Variants in PLCB4 observed in about 807,000 individuals in gnomAD.
The protein encoded by PLCB4 is phospholipase C beta 4, also known as 1-phosphatidylinositol 4,5-bisphosphate phosphodiesterase beta-4.
Under a neutral mutation model 178.8 loss-of-function variants are expected in PLCB4, and 77 were observed. The ratio of observed to expected loss-of-function variants is 0.43; its 90% CI spans 0.36 to 0.52. The LOEUF is 0.52. Ranked by LOEUF, PLCB4 falls within the 20% of genes least tolerant of loss-of-function variation. The probability of loss-of-function intolerance (pLI) is 0.00; values close to 1 mark genes in which losing one functional copy is unlikely to be tolerated. For missense variants in PLCB4, 1,024 were observed against 1,453.4 expected, an observed-to-expected ratio of 0.70 and a Z score of 4.80; for synonymous variants, 496 against 490.8, an observed-to-expected ratio of 1.01 and a Z score of -0.14.
intron 3 of PLCB4, among the ~76,000 whole-genome samples, chr20:9,226,519 C>T (rs992100971): frequency 1.3e-5 from 2 of 150,880 alleles, no homozygotes; most frequent in Admixed American, 6.6e-5. Context: ...CCTGGGTTGT[C>T]CCATCTGTAA....
chr20:9,089,994 T>G (rs961928923), intron 1 of PLCB4, among the ~76,000 whole-genome samples: 11 of 152,196 alleles, frequency 7.2e-5, no homozygotes, highest in African/African-American at 2.7e-4. Context: ...CCTAATTTAC[T>G]AGAAAGCTTG....
At chr20:9,231,576 G>GGATA (rs1337372452) in intron 3 of PLCB4, among the ~76,000 whole-genome samples, 3 of 152,046 alleles carry the variant, frequency 2.0e-5, no homozygotes, top group Non-Finnish European at 4.4e-5. Context: ...CCTCGTTGTG[G>GGATA]GATAGTGCAC....
rs369696044 is a variant in PLCB4 at position 9,443,271 on chromosome 20, T to G, written c.2765-710T>G. On this transcript the variant is annotated intron_variant, in intron 30 of 39. Coordinates refer to ENST00000378473, the MANE Select transcript of PLCB4 (RefSeq NM_001377142.1). ...AAAGGGAGAAGCCAGAAAAAAATGT[T>G]TTATTCTTTCACAATGACTGAATTG... 2.2e-4 allele frequency among the ~76,000 whole-genome samples: 33 copies of G among 152,346 alleles called. 2 individuals carry two copies. The highest frequency in any genetic ancestry group is 7.7e-4 in the African/African-American group (32 of 41,588).
rs201873129 is a variant in PLCB4, at chr20:9,122,520, C to CT, written c.-79+26180dup. Among the ~76,000 whole-genome samples, 181 of 152,232 alleles carry CT rather than the reference C, an allele frequency of 1.2e-3. 1 individual carries two copies. The East Asian group carries it at 0.025, about 21-fold the overall frequency. ...TTGCTTTAAAATCATTTCTACTCCT[C>CT]TTCACAATGTGGATACTTGGGAATT... On this transcript the variant is annotated intron_variant, in intron 2 of 39. Transcript: ENST00000378473.
At chr20:9,296,501 T>C (rs531345720) in intron 3 of PLCB4, among the ~76,000 whole-genome samples, 5 of 152,318 alleles carry the variant, frequency 3.3e-5, no homozygotes, top group African/African-American at 1.2e-4. Context: ...AGCAATCCCA[T>C]TACTGGGTAT....
At chr20:9,257,171 GTATT>G (rs1375275994) in intron 3 of PLCB4, among the ~76,000 whole-genome samples, 1 of 152,144 alleles carries the variant, frequency 6.6e-6, no homozygotes, top group African/African-American at 2.4e-5. Flanking sequence ...CCTAGAGGTA[GTATT>G]TATTCTGTTT....
intron 3 of PLCB4, among the ~76,000 whole-genome samples, chr20:9,297,410 G>A (rs1350684733): frequency 1.3e-5 from 2 of 151,822 alleles, no homozygotes; most frequent in East Asian, 3.9e-4. Context: ...TTACACATTG[G>A]GTACAATGTA....
intron 4 of PLCB4, among the ~76,000 whole-genome samples, chr20:9,311,786 A>G (rs2147896658): frequency 6.6e-6 from 1 of 152,202 alleles, no homozygotes; most frequent in East Asian, 1.9e-4. Flanking sequence ...AAAATCTAAA[A>G]AGAGCTTTAT....
intron 2 of PLCB4, among the ~76,000 whole-genome samples, chr20:9,118,639 A>G (rs923820766): frequency 2.0e-5 from 3 of 152,118 alleles, no homozygotes; most frequent in African/African-American, 7.2e-5. Flanking sequence ...GGTTCCTTCC[A>G]TATGTGACAG....
At chr20:9,282,626 G>A (rs1414722489) in intron 3 of PLCB4, among the ~76,000 whole-genome samples, 15 of 151,954 alleles carry the variant, frequency 9.9e-5, no homozygotes, top group Non-Finnish European at 1.9e-4. Flanking sequence ...TCTGTCATCC[G>A]ATTCAGCCTA....
intron 2 of PLCB4, among the ~76,000 whole-genome samples, chr20:9,134,072 A>G (rs1205488064): frequency 6.6e-6 from 1 of 152,220 alleles, no homozygotes; most frequent in Non-Finnish European, 1.5e-5. Flanking sequence ...TTAATTTAGC[A>G]TAATATAGAC....
intron 18 of PLCB4, among the ~76,000 whole-genome samples, chr20:9,394,603 G>A (rs2038418482): frequency 6.6e-6 from 1 of 152,048 alleles, no homozygotes; most frequent in Admixed American, 6.5e-5. Context: ...AGAATTGTAT[G>A]CATTTATTAT....
intron 4 of PLCB4, among the ~76,000 whole-genome samples, chr20:9,315,199 ACT>A (rs1303687022): frequency 1.3e-5 from 2 of 152,184 alleles, no homozygotes; most frequent in African/African-American, 2.4e-5. Flanking sequence ...TCTTTCACAC[ACT>A]CTGTATATTG....
chr20:9,473,942 G>T (rs760159509), intron 38 of PLCB4, among the ~76,000 whole-genome samples: 2 of 152,152 alleles, frequency 1.3e-5, no homozygotes, highest in Non-Finnish European at 2.9e-5. Flanking sequence ...TCCAGGCCGG[G>T]CGCAGTGGGC....
At chr20:9,289,442 A>G (rs2094561450) in intron 3 of PLCB4, among the ~76,000 whole-genome samples, 1 of 152,090 alleles carries the variant, frequency 6.6e-6, no homozygotes, top group South Asian at 2.1e-4. Context: ...ACTTGAAATT[A>G]TTCGGGTTTT....
At chr20:9,390,749 A>G (rs1167690516) in intron 17 of PLCB4, 134 bp downstream of exon 17, 3 of 540,674 alleles carry the variant, frequency 5.5e-6, no homozygotes, top group Non-Finnish European at 9.9e-6. Flanking sequence ...CGGAAAGCTT[A>G]CATCATGCTT....
At chr20:9,324,044 G>T (rs756260986) in intron 4 of PLCB4, among the ~76,000 whole-genome samples, 3 of 151,986 alleles carry the variant, frequency 2.0e-5, no homozygotes, top group Non-Finnish European at 2.9e-5. Context: ...ATTCTGTCTT[G>T]CCTGTAATCT....
At chr20:9,367,877 C>G (rs1470778318) in intron 9 of PLCB4, among the ~76,000 whole-genome samples, 1 of 152,146 alleles carries the variant, frequency 6.6e-6, no homozygotes, top group Non-Finnish European at 1.5e-5. Context: ...CTTTAGCTCT[C>G]TTTGACATGG....
intron 28 of PLCB4, among the ~76,000 whole-genome samples, chr20:9,429,395 A>G (rs2148610834): frequency 6.6e-6 from 1 of 152,340 alleles, no homozygotes; most frequent in Admixed American, 6.5e-5. Context: ...TAAATGGGAA[A>G]TAGGCAGCCA....
Sources: gnomAD v4.1 joint callset for allele counts (sites outside exome capture counted in the v4.1 genomes callset) on GRCh38, gnomAD v4.1.1 for gene constraint, MANE v1.5 for transcripts, NCBI Gene and HGNC (gene_info 2026-07-23, HGNC 2026-07-21) for gene names.